The following NBEA variants were observed in gnomAD, a reference collection of about 807,000 sequenced individuals.
NBEA encodes the protein lysosomal-trafficking regulator 2.
Under a neutral mutation model 343.4 loss-of-function variants are expected in NBEA, and 44 were observed. The ratio of observed to expected loss-of-function variants is 0.13; its 90% CI spans 0.10 to 0.16. The LOEUF is 0.16. Ranked by LOEUF, NBEA falls within the 10% of genes least tolerant of loss-of-function variation. NBEA has a pLI of 1.00. For missense variants in NBEA, 2,555 were observed against 3,631.3 expected (o/e 0.70, Z 7.62); for synonymous variants, 1,175 against 1,238.7 (o/e 0.95, Z 1.08).
chr13:35,637,194 G>A (rs568272161), intron 49 of NBEA, among the ~76,000 whole-genome samples: 6 of 152,272 alleles, frequency 3.9e-5, no homozygotes, highest in African/African-American at 1.2e-4. Flanking sequence ...CAACAAGTAT[G>A]TGCCAGCATC....
At chr13:35,571,219 A>C (rs2153029224) in intron 45 of NBEA, among the ~76,000 whole-genome samples, 1 of 152,304 alleles carries the variant, frequency 6.6e-6, no homozygotes, top group South Asian at 2.1e-4. Flanking sequence ...ACAATGCCAA[A>C]AAAATAAATA....
Position 35,550,107 on chromosome 13 carries a change from G to C in NBEA, c.6586-370G>C, listed in dbSNP as rs1028740341. Among the ~76,000 whole-genome samples the C allele has an allele frequency of 6.3e-4, 96 of 152,226 alleles. 2 individuals carry two copies. The highest frequency in any genetic ancestry group is 4.5e-3 in the Admixed American group (69 of 15,278). On this transcript the variant is annotated intron_variant, in intron 41 of 58. Coordinates refer to ENST00000379939, the MANE Select transcript of NBEA (RefSeq NM_001385012.1). ...TGGGGTTGACCATATGGACACTTTG[G>C]GGGTAGCTGGGCTTCCATTAAGCAA...
rs569899795 is a variant in NBEA at position 35,069,182 on chromosome 13, G to A, written c.1240-726G>A. Reference sequence around the variant, plus strand: ...TACATCTTAATTTCTGTAACATTCAGTTTTCATAGTTGTAAGTTGAAATTA... The same window carrying A: ...TACATCTTAATTTCTGTAACATTCAATTTTCATAGTTGTAAGTTGAAATTA... On this transcript the variant is annotated intron_variant, in intron 8 of 58. Coordinates refer to ENST00000379939, the MANE Select transcript of NBEA (RefSeq NM_001385012.1). 9.2e-5 allele frequency among the ~76,000 whole-genome samples: 14 copies of A among 152,106 alleles called. No individual in the cohort carries two copies. The South Asian group carries it at 2.3e-3, about 25-fold the overall frequency.
At chr13:35,486,997 T>G (rs1016792515) in intron 41 of NBEA, among the ~76,000 whole-genome samples, 17 of 152,094 alleles carry the variant, frequency 1.1e-4, no homozygotes, top group East Asian at 1.9e-4. Context: ...TTGAGTGAAA[T>G]ATTTATATAC....
intron 41 of NBEA, among the ~76,000 whole-genome samples, chr13:35,518,832 G>C (rs9574078): frequency 1.7e-3 from 260 of 152,130 alleles, no homozygotes; most frequent in Non-Finnish European, 3.3e-3. Context: ...GGGGCGGTGT[G>C]GGGGGAAGGT....
At chr13:35,359,817 GGT>G (rs905968630) in intron 38 of NBEA, among the ~76,000 whole-genome samples, 27 of 146,220 alleles carry the variant, frequency 1.8e-4, no homozygotes, top group African/African-American at 6.3e-4. Context: ...GAGTTTAATA[GGT>G]GTGTGTGTGT....
At chr13:35,275,599 T>C (rs895193049) in intron 34 of NBEA, among the ~76,000 whole-genome samples, 3 of 152,250 alleles carry the variant, frequency 2.0e-5, no homozygotes, top group African/African-American at 7.2e-5. Context: ...TTTTGCAATC[T>C]ACTCATCTGA....
intron 45 of NBEA, among the ~76,000 whole-genome samples, chr13:35,576,657 C>T (rs995443117): frequency 6.6e-6 from 1 of 152,030 alleles, no homozygotes; most frequent in Non-Finnish European, 1.5e-5. Flanking sequence ...TGCCCAGAGA[C>T]AACTGTTGAT....
intron 39 of NBEA, among the ~76,000 whole-genome samples, chr13:35,436,529 T>C (rs2045450119): frequency 6.6e-6 from 1 of 152,010 alleles, no homozygotes. Context: ...GCTAACATGG[T>C]GAAACCCTGT....
intron 40 of NBEA, among the ~76,000 whole-genome samples, chr13:35,469,654 CT>C (rs2075555086): frequency 6.6e-6 from 1 of 152,010 alleles, no homozygotes. Flanking sequence ...ATAATTTATT[CT>C]TTTATTGCTA....
intron 8 of NBEA, among the ~76,000 whole-genome samples, chr13:35,061,240 G>T (rs1471683504): frequency 6.6e-6 from 1 of 151,516 alleles, no homozygotes; most frequent in Non-Finnish European, 1.5e-5. Context: ...TAAATATTCT[G>T]TACTTGGTTA....
intron 16 of NBEA, 49 bp downstream of exon 16, chr13:35,118,523 T>G: frequency 5.2e-6 from 7 of 1,343,964 alleles, no homozygotes; most frequent in Non-Finnish European, 7.3e-6. Context: ...GGAGCACAGT[T>G]GTTCCTCCTA....
intron 41 of NBEA, among the ~76,000 whole-genome samples, chr13:35,534,239 C>G (rs1228462588): frequency 6.6e-6 from 1 of 152,112 alleles, no homozygotes; most frequent in Non-Finnish European, 1.5e-5. Flanking sequence ...ACCCTTGAGA[C>G]TCCTTTCATA....
chr13:35,561,921 A>G (rs537101853), intron 44 of NBEA, among the ~76,000 whole-genome samples: 25 of 152,124 alleles, frequency 1.6e-4, no homozygotes, highest in Non-Finnish European at 3.4e-4. Context: ...CTATTTATAA[A>G]TTTAATGAAT....
At chr13:35,080,873 T>C (rs748044761) in intron 10 of NBEA, among the ~76,000 whole-genome samples, 28 of 152,252 alleles carry the variant, frequency 1.8e-4, no homozygotes, top group Non-Finnish European at 4.0e-4. Context: ...ATACAGGAGT[T>C]GGTACCTTTG....
chr13:35,445,792 A>ATATATATATATATATATATATGTG (rs1555267107), intron 39 of NBEA, among the ~76,000 whole-genome samples: 2 of 78,224 alleles, frequency 2.6e-5, no homozygotes, highest in Non-Finnish European at 4.9e-5. Flanking sequence ...TTATATATAT[A>ATATATATATATATATATATATGTG]TATATATATA....
rs143764415 is a variant in NBEA, at chr13:35,311,060, G to A, written c.5903+1468G>A. ...TAGTACAGATCTAAAATTTAAAATA[G>A]GCTTTGCATTCACTGCAACACCAAA... On this transcript the variant is annotated intron_variant, in intron 36 of 58. Coordinates refer to ENST00000379939, the MANE Select transcript of NBEA (RefSeq NM_001385012.1). Among the ~76,000 whole-genome samples, 1,189 of 152,048 alleles carry A rather than the reference G, an allele frequency of 7.8e-3. 20 individuals are homozygous for A. Among genetic ancestry groups the A allele is most frequent in the African/African-American group, 0.027 (1,139 of 41,496 alleles).
intron 38 of NBEA, among the ~76,000 whole-genome samples, chr13:35,411,081 C>T (rs954744728): frequency 6.6e-6 from 1 of 152,110 alleles, no homozygotes; most frequent in Non-Finnish European, 1.5e-5. Context: ...GACTGGACCA[C>T]TTCTACCTCT....
Position 35,672,551 on chromosome 13 carries a change from T to C in NBEA, c.*1560T>C, listed in dbSNP as rs2153090623. ...TAAGCAATATCTTGAGTTTGTAGCT[T>C]AGAATTGGGAGGATACTTAACATCT... is the stretch of plus-strand genomic sequence containing the variant. On this transcript the variant is annotated 3_prime_UTR_variant, in exon 59 of 59. Transcript: ENST00000379939. The C allele has an allele frequency of 6.5e-6, 1 of 152,748 alleles. No homozygotes were observed. The highest frequency in any genetic ancestry group is 1.9e-4 in the East Asian group (1 of 5,188). The allele number at this position is 152,748 out of a possible 1,614,324, so 9.5% of individuals were successfully genotyped here. A position where few individuals can be genotyped will look rare whatever the true frequency, so the allele number is the denominator to read the frequency against.
Sources: allele counts gnomAD v4.1 joint callset (sites outside exome capture counted in the v4.1 genomes callset), GRCh38; gene constraint gnomAD v4.1.1; transcripts MANE v1.5; gene names NCBI Gene and HGNC (gene_info 2026-07-23, HGNC 2026-07-21).